FANK1: variants seen among roughly 807,000 people sequenced by gnomAD.
FANK1 encodes fibronectin type III and ankyrin repeat domains 1, also known as fibronectin type 3 and ankyrin repeat domains protein 1.
In FANK1, 44 loss-of-function variants were observed where a neutral mutation model predicts 45.3. The observed-to-expected ratio is 0.97, with a 90% CI of 0.76 to 1.25. The LOEUF (loss-of-function observed/expected upper bound fraction) is 1.25, where lower values mean the gene tolerates loss of function less well. FANK1 is among the 50% of genes most tolerant of loss of function. The pLI, the probability that FANK1 is intolerant of heterozygous loss-of-function variation, is 0.00. For synonymous variants in FANK1, 149 were observed against 152.5 expected (o/e 0.98, Z 0.17); for missense variants, 391 against 424.4 (o/e 0.92, Z 0.69).
chr10:126,004,817 G>A, intron 6 of FANK1, 67 bp from the exon 7 acceptor site: 1 of 1,556,784 alleles, frequency 6.4e-7, no homozygotes, highest in Non-Finnish European at 8.8e-7. Flanking sequence ...GCCAGGTAGG[G>A]TAAAAGGTGG....
At chr10:125,948,422 A>G (rs1410176005) in intron 1 of FANK1, among the ~76,000 whole-genome samples, 2 of 152,214 alleles carry the variant, frequency 1.3e-5, no homozygotes, top group Non-Finnish European at 1.5e-5. Context: ...AAAAAATAAT[A>G]AAGGGGATAT....
intron 1 of FANK1, among the ~76,000 whole-genome samples, chr10:125,948,167 G>A (rs1332537940): frequency 6.8e-6 from 1 of 146,812 alleles, no homozygotes; most frequent in African/African-American, 2.5e-5. Context: ...AAGCAGGAAA[G>A]ATCCAAAATT....
chr10:125,941,601 C>T (rs557927836), intron 1 of FANK1, among the ~76,000 whole-genome samples: 27 of 152,332 alleles, frequency 1.8e-4, no homozygotes, highest in Non-Finnish European at 3.5e-4. Flanking sequence ...CAAGAATGTT[C>T]ATAGCTGTAT....
In FANK1 at chr10:126,008,426, G is replaced by T; in HGVS notation, c.725G>T (p.Gly242Val). The change falls in exon 8 of 11, where the codon GGT (glycine) becomes GTT (valine). Residue 242 changes from glycine to valine, a missense_variant. Gly to Val is a moderately radical substitution (Grantham distance 109). Coordinates refer to ENST00000368693, the MANE Select transcript of FANK1 (RefSeq NM_145235.5). Reference protein sequence around the residue: ...DGCEVDVVDTGSGWTPLMRVS... With the variant: ...DGCEVDVVDTVSGWTPLMRVS... ...CAACAGGTAGACGTCGTGGACACTG[G>T]TTCAGGATGGACCCCACTCATGAGA... The T allele has an allele frequency of 6.2e-7, 1 of 1,610,138 alleles. No individual in the cohort carries two copies. The highest frequency in any genetic ancestry group is 8.5e-7 in the Non-Finnish European group (1 of 1,178,284).
intron 1 of FANK1, among the ~76,000 whole-genome samples, chr10:125,898,392 C>G (rs111569919): frequency 2.0e-5 from 3 of 151,776 alleles, no homozygotes; most frequent in Admixed American, 2.0e-4. Context: ...TAAGCAGAGG[C>G]TTGCTCAAGA....
At position 125,961,216 on chromosome 10, in the gene FANK1, C is replaced by T. The variant is rs566203172; in HGVS notation, c.14-18945C>T. Among the ~76,000 whole-genome samples the T allele has an allele frequency of 7.9e-5, 12 of 152,294 alleles. No homozygotes were observed. The South Asian group carries it at 1.0e-3, about 13-fold the overall frequency. ...TTACTTCCTGGGCTTAAGAAATCCT[C>T]GTACTTCAGCCTCCTGAGTAGCAGG... On this transcript the variant is annotated intron_variant, in intron 1 of 10. Transcript: ENST00000368693.
At chr10:125,988,884 A>C (rs73370562) in intron 3 of FANK1, 10 of 758,462 alleles carry the variant, frequency 1.3e-5, no homozygotes, top group Admixed American at 6.4e-5. Context: ...TGGGAGAGCT[A>C]TTTTTGTGCC....
In FANK1 at chr10:125,914,270, C is replaced by T. The variant is rs74903836; in HGVS notation, c.13+17615C>T. 6.9e-5 allele frequency among the ~76,000 whole-genome samples: 6 copies of T among 86,652 alleles called. No homozygotes were observed. The South Asian group carries it at 2.4e-3, about 34-fold the overall frequency. The allele number at this position is 86,652 out of a possible 152,430, so 56.8% of individuals were successfully genotyped here. On this transcript the variant is annotated intron_variant, in intron 1 of 10. Coordinates refer to ENST00000368693, the MANE Select transcript of FANK1 (RefSeq NM_145235.5). ...ATTTTCCAAAGCTCCAGCTCAGCAT[C>T]TTTGTATGCCATATATATATATTTA...
At chr10:125,948,379 TAAAG>T (rs982830855) in intron 1 of FANK1, among the ~76,000 whole-genome samples, 3 of 151,196 alleles carry the variant, frequency 2.0e-5, no homozygotes, top group Admixed American at 6.6e-5. Flanking sequence ...GCAAGACTAA[TAAAG>T]AAAAAGAGAA....
intron 1 of FANK1, among the ~76,000 whole-genome samples, chr10:125,957,533 T>G (rs1387165842): frequency 1.3e-5 from 2 of 152,066 alleles, no homozygotes; most frequent in South Asian, 4.1e-4. Context: ...GCCTTTATTT[T>G]TATTTTTTTG....
chr10:125,989,306 A>G (rs2134211422), intron 3 of FANK1: 1 of 1,550,790 alleles, frequency 6.4e-7, no homozygotes, highest in African/African-American at 1.4e-5. Flanking sequence ...GAGCCTTGTA[A>G]AAATTAGGAT....
At chr10:125,921,634 A>G (rs1946952004) in intron 1 of FANK1, among the ~76,000 whole-genome samples, 1 of 152,228 alleles carries the variant, frequency 6.6e-6, no homozygotes, top group East Asian at 1.9e-4. Context: ...TGTTTCTTTA[A>G]TAAATACAGG....
chr10:126,000,681 AG>A (rs1229127673), intron 6 of FANK1, among the ~76,000 whole-genome samples: 1 of 152,200 alleles, frequency 6.6e-6, no homozygotes, highest in African/African-American at 2.4e-5. Flanking sequence ...ATGCATTGAA[AG>A]GAATCATTAA....
At chr10:125,975,072 C>T (rs1039770116) in intron 1 of FANK1, 2 of 152,170 alleles carry the variant, frequency 1.3e-5, no homozygotes, top group African/African-American at 2.4e-5. Flanking sequence ...ATTTAGCTTC[C>T]TCTTATAAAA....
At chr10:126,000,137 C>T (rs990689044) in intron 6 of FANK1, among the ~76,000 whole-genome samples, 2 of 152,198 alleles carry the variant, frequency 1.3e-5, no homozygotes, top group African/African-American at 4.8e-5. Context: ...GAAATAAAGA[C>T]ATGTCATATG....
chr10:126,009,316 C>A (rs769300651), intron 10 of FANK1, 50 bp downstream of exon 10: 6 of 1,613,992 alleles, frequency 3.7e-6, no homozygotes, highest in Non-Finnish European at 5.1e-6. Context: ...TCCTTCTAGA[C>A]TCAGAAAAAC....
At chr10:126,001,750 G>A (rs1038017387) in intron 6 of FANK1, among the ~76,000 whole-genome samples, 9 of 152,294 alleles carry the variant, frequency 5.9e-5, no homozygotes, top group Middle Eastern at 3.4e-3. Flanking sequence ...GAGGTGGTAA[G>A]TTCAGGGCTG....
At chr10:125,963,150 A>G (rs1013873003) in intron 1 of FANK1, among the ~76,000 whole-genome samples, 2 of 152,194 alleles carry the variant, frequency 1.3e-5, no homozygotes, top group Non-Finnish European at 2.9e-5. Context: ...TGCCCGGCTA[A>G]TTTTTGTATT....
chr10:125,955,243 C>G (rs1006776879), intron 1 of FANK1, among the ~76,000 whole-genome samples: 2 of 152,018 alleles, frequency 1.3e-5, no homozygotes, highest in African/African-American at 4.8e-5. Flanking sequence ...AGCTATTCTT[C>G]CTGATGCTCT....
Sources: gnomAD v4.1 joint callset for allele counts (sites outside exome capture counted in the v4.1 genomes callset) on GRCh38, gnomAD v4.1.1 for gene constraint, MANE v1.5 for transcripts, NCBI Gene and HGNC (gene_info 2026-07-23, HGNC 2026-07-21) for gene names.